Variants in LRP1B observed in about 807,000 individuals in gnomAD.
LRP1B encodes the protein LDL receptor related protein 1B, also known as low-density lipoprotein receptor-related protein 1B.
Under a neutral mutation model 556.6 loss-of-function variants are expected in LRP1B, and 217 were observed. That is an observed-to-expected ratio of 0.39 (90% confidence interval 0.35 to 0.44). LRP1B has a LOEUF of 0.44. Among genes scored for constraint, LRP1B ranks in the 20% least tolerant of loss-of-function variants. LRP1B has a pLI of 1.00. For synonymous variants in LRP1B, 2,047 were observed against 1,865.8 expected, an observed-to-expected ratio of 1.10 and a Z score of -2.50; for missense variants, 5,053 against 5,620.8, an observed-to-expected ratio of 0.90 and a Z score of 3.23.
rs1160584516 is a variant in LRP1B at position 141,349,720 on chromosome 2, C to T, written c.344-95079G>A. Among the ~76,000 whole-genome samples the T allele has an allele frequency of 3.3e-5, 5 of 152,014 alleles. No individual in the cohort carries two copies. The East Asian group carries it at 5.8e-4, about 18-fold the overall frequency. On this transcript the variant is annotated intron_variant, in intron 3 of 90. Coordinates refer to ENST00000389484, the MANE Select transcript of LRP1B (RefSeq NM_018557.3). Reference sequence around the variant, plus strand: ...TCTCTAAGTATAAATTATATGCATACTCTATTCAAAATATAACATTCTGGG... The same window carrying T: ...TCTCTAAGTATAAATTATATGCATATTCTATTCAAAATATAACATTCTGGG...
chr2:140,655,203 A>G (rs1208467274), intron 41 of LRP1B, among the ~76,000 whole-genome samples: 1 of 152,108 alleles, frequency 6.6e-6, no homozygotes, highest in East Asian at 1.9e-4. Flanking sequence ...AAATTTACCA[A>G]TTCATCAGTA....
chr2:140,934,922 A>C (rs1399136678), intron 20 of LRP1B, among the ~76,000 whole-genome samples: 1 of 152,178 alleles, frequency 6.6e-6, no homozygotes, highest in Non-Finnish European at 1.5e-5. Context: ...ATACAAATGA[A>C]ATTAGAAAGT....
intron 7 of LRP1B, among the ~76,000 whole-genome samples, chr2:141,107,583 T>C (rs986010149): frequency 5.3e-5 from 8 of 152,008 alleles, no homozygotes; most frequent in Non-Finnish European, 1.2e-4. Flanking sequence ...AAGGTGGAGG[T>C]TGCAGTGAGC....
At chr2:140,636,477 G>C (rs1684074706) in intron 41 of LRP1B, among the ~76,000 whole-genome samples, 1 of 152,040 alleles carries the variant, frequency 6.6e-6, no homozygotes, top group African/African-American at 2.4e-5. Context: ...ATGTATTCCT[G>C]CATTTAATTA....
chr2:140,735,716 C>T (rs1186900541), intron 35 of LRP1B, among the ~76,000 whole-genome samples: 1 of 152,148 alleles, frequency 6.6e-6, no homozygotes, highest in Admixed American at 6.6e-5. Context: ...ATCTCACCTG[C>T]AAGGCAACAG....
intron 35 of LRP1B, among the ~76,000 whole-genome samples, chr2:140,740,134 T>C (rs548627799): frequency 2.6e-5 from 4 of 152,056 alleles, no homozygotes; most frequent in Non-Finnish European, 4.4e-5. Context: ...AAAAACTAAG[T>C]AGAACTACCA....
intron 1 of LRP1B, among the ~76,000 whole-genome samples, chr2:142,032,046 G>C (rs1336946935): frequency 6.6e-6 from 1 of 151,790 alleles, no homozygotes; most frequent in Admixed American, 6.6e-5. Flanking sequence ...CCCTGCCAAC[G>C]CCTTGATCTC....
chr2:140,558,924 A>C (rs957665505), intron 43 of LRP1B, among the ~76,000 whole-genome samples: 7 of 151,430 alleles, frequency 4.6e-5, no homozygotes, highest in African/African-American at 7.3e-5. Context: ...CAACAGAGCC[A>C]GACCCTGTCT....
At chr2:141,676,320 A>T (rs1277071290) in intron 2 of LRP1B, among the ~76,000 whole-genome samples, 1 of 152,116 alleles carries the variant, frequency 6.6e-6, no homozygotes, top group East Asian at 1.9e-4. Flanking sequence ...ATTTCATTTT[A>T]AAAATAATGC....
intron 35 of LRP1B, among the ~76,000 whole-genome samples, chr2:140,740,682 T>A (rs1688106417): frequency 1.3e-5 from 2 of 152,160 alleles, no homozygotes. Context: ...ATTTATTCTC[T>A]ACGTTCTGGA....
At chr2:141,662,278 C>T (rs1416235658) in intron 2 of LRP1B, among the ~76,000 whole-genome samples, 1 of 152,100 alleles carries the variant, frequency 6.6e-6, no homozygotes, top group Non-Finnish European at 1.5e-5. Context: ...ATCAACAAGT[C>T]TGCAAAATAA....
chr2:140,811,943 T>G (rs1690942304), intron 32 of LRP1B, among the ~76,000 whole-genome samples: 1 of 152,008 alleles, frequency 6.6e-6, no homozygotes, highest in African/African-American at 2.4e-5. Flanking sequence ...AAAAGAAAAT[T>G]GGAGACTTAA....
chr2:141,139,891 T>A (rs372493664), intron 7 of LRP1B, among the ~76,000 whole-genome samples: 3 of 151,900 alleles, frequency 2.0e-5, no homozygotes. Context: ...CTAATACTTG[T>A]ACACAAATGA....
chr2:141,551,835 C>A (rs1487296574), intron 2 of LRP1B, among the ~76,000 whole-genome samples: 2 of 151,982 alleles, frequency 1.3e-5, no homozygotes, highest in Non-Finnish European at 2.9e-5. Flanking sequence ...ATAATAAACA[C>A]CCCATTATTT....
intron 2 of LRP1B, among the ~76,000 whole-genome samples, chr2:141,577,823 TC>T (rs1559152622): frequency 6.6e-6 from 1 of 152,212 alleles, no homozygotes; most frequent in African/African-American, 2.4e-5. Context: ...ACAAGTTGTT[TC>T]TTAGTCAGTC....
chr2:141,446,486 T>C (rs564105380), intron 3 of LRP1B, among the ~76,000 whole-genome samples: 1 of 152,346 alleles, frequency 6.6e-6, no homozygotes, highest in South Asian at 2.1e-4. Context: ...CATTAGTTGA[T>C]GCAGTTTCTT....
At chr2:141,568,819 T>A (rs55677762) in intron 2 of LRP1B, among the ~76,000 whole-genome samples, 5,655 of 151,262 alleles carry the variant, frequency 0.037, 313 homozygotes, top group East Asian at 0.13. Flanking sequence ...AGTGGCACGA[T>A]CTCAGCTCAC....
intron 52 of LRP1B, among the ~76,000 whole-genome samples, chr2:140,509,080 AC>A (rs1176365058): frequency 0.025 from 1,762 of 71,332 alleles, 13 homozygotes; most frequent in Non-Finnish European, 0.034. Flanking sequence ...ACACACACAC[AC>A]AAACACACAC....
chr2:140,403,168 A>T (rs1233659644), intron 66 of LRP1B, among the ~76,000 whole-genome samples: 1 of 152,192 alleles, frequency 6.6e-6, no homozygotes, highest in Non-Finnish European at 1.5e-5. Context: ...CCATTAGAAG[A>T]ATTAGTTTAC....
Sources: gnomAD v4.1 joint callset for allele counts (sites outside exome capture counted in the v4.1 genomes callset) on GRCh38, gnomAD v4.1.1 for gene constraint, MANE v1.5 for transcripts, NCBI Gene and HGNC (gene_info 2026-07-23, HGNC 2026-07-21) for gene names.